Variants in KIAA0825 observed in about 807,000 individuals in gnomAD.
The protein encoded by KIAA0825 is KIAA0825.
In KIAA0825, 119 loss-of-function variants were observed where a neutral mutation model predicts 147.6. The ratio of observed to expected loss-of-function variants is 0.81; its 90% confidence interval spans 0.69 to 0.94. The LOEUF is 0.94. Ranked by LOEUF, KIAA0825 falls within the 40% of genes least tolerant of loss-of-function variation. KIAA0825 has a pLI of 0.00. For missense variants in KIAA0825, 1,381 were observed against 1,472.7 expected, an observed-to-expected ratio of 0.94 and a Z score of 1.02; for synonymous variants, 470 against 518.1, an observed-to-expected ratio of 0.91 and a Z score of 1.26.
At chr5:94,292,582 T>C (rs565663680) in intron 20 of KIAA0825, among the ~76,000 whole-genome samples, 1 of 152,182 alleles carries the variant, frequency 6.6e-6, no homozygotes, top group Non-Finnish European at 1.5e-5. Context: ...TTTTCTTTTT[T>C]TGTTGTGTCT....
At chr5:94,605,421 C>A (rs1279497713) in intron 1 of KIAA0825, among the ~76,000 whole-genome samples, 1 of 152,040 alleles carries the variant, frequency 6.6e-6, no homozygotes, top group African/African-American at 2.4e-5. Context: ...TCTATGAGGC[C>A]AGCATCATCC....
chr5:94,262,894 C>A (rs1353877467), intron 20 of KIAA0825, among the ~76,000 whole-genome samples: 1 of 152,012 alleles, frequency 6.6e-6, no homozygotes, highest in Non-Finnish European at 1.5e-5. Flanking sequence ...CTTCTTTGTG[C>A]CCCTCAAAGG....
At position 94,154,056 on chromosome 5, in the gene KIAA0825, A is replaced by G. The variant is rs1306049575; in HGVS notation, c.3779T>C (p.Ile1260Thr). The change falls in exon 21 of 21, where the codon ATT becomes ACT. Residue 1260 changes from isoleucine (I) to threonine (T), a missense_variant. Physicochemically the swap from Ile to Thr is moderately conservative, Grantham distance 89. Transcript: ENST00000682413. ...GGCAGAAGAGTTCTGTGGGGTGCAA[A>G]TTTGTTTTAAGTGCTCCAGTATTGC... ...EKAILEHLKQ[I>T]CTPQNSSASD... 1.3e-6 allele frequency: 2 copies of G among 1,551,590 alleles called. No homozygotes were observed. The highest frequency in any genetic ancestry group is 1.7e-6 in the Non-Finnish European group (2 of 1,146,940).
At chr5:94,351,884 T>C (rs1301588247) in intron 20 of KIAA0825, among the ~76,000 whole-genome samples, 1 of 152,158 alleles carries the variant, frequency 6.6e-6, no homozygotes, top group Non-Finnish European at 1.5e-5. Context: ...TGTAGGAGAA[T>C]GAAACTGGAT....
chr5:94,426,196 C>T (rs1754859644), intron 14 of KIAA0825, among the ~76,000 whole-genome samples: 1 of 151,598 alleles, frequency 6.6e-6, no homozygotes, highest in Non-Finnish European at 1.5e-5. Context: ...ATCAGCAATC[C>T]CACTACTAGA....
intron 20 of KIAA0825, among the ~76,000 whole-genome samples, chr5:94,287,266 C>T (rs1022569567): frequency 1.6e-4 from 25 of 152,106 alleles, no homozygotes; most frequent in African/African-American, 6.0e-4. Context: ...TTGTAGCTAT[C>T]AACATAATAC....
In KIAA0825 at chr5:94,535,308, G is replaced by A. The variant is rs368338359; in HGVS notation, c.131+1688C>T. On this transcript the variant is annotated intron_variant, in intron 3 of 20. Coordinates refer to ENST00000682413, the MANE Select transcript of KIAA0825 (RefSeq NM_001145678.3). The stretch of plus-strand genomic sequence containing the variant: ...GTGGATCACCTGAGGTCAGGAGTTC[G>A]AGACTAGCCTGGCCAATGTCGTGAA... 3.0e-4 allele frequency among the ~76,000 whole-genome samples: 46 copies of A among 151,844 alleles called. No homozygotes were observed. The East Asian group carries it at 7.4e-3, about 24-fold the overall frequency.
intron 1 of KIAA0825, among the ~76,000 whole-genome samples, chr5:94,595,622 T>C (rs1785165493): frequency 6.6e-6 from 1 of 152,248 alleles, no homozygotes; most frequent in Non-Finnish European, 1.5e-5. Flanking sequence ...TACGCAAATT[T>C]CGGCAGCTGC....
At chr5:94,364,769 G>A (rs559948038) in intron 20 of KIAA0825, among the ~76,000 whole-genome samples, 1 of 152,158 alleles carries the variant, frequency 6.6e-6, no homozygotes, top group South Asian at 2.1e-4. Context: ...AGATAGTGAG[G>A]GTAATGAAGT....
At chr5:94,401,356 C>A (rs1323455779) in intron 16 of KIAA0825, among the ~76,000 whole-genome samples, 2 of 151,908 alleles carry the variant, frequency 1.3e-5, no homozygotes, top group Non-Finnish European at 2.9e-5. Context: ...TCACTGTTTG[C>A]TCTTGATTGC....
At chr5:94,174,368 A>T (rs1768895258) in intron 20 of KIAA0825, among the ~76,000 whole-genome samples, 1 of 152,082 alleles carries the variant, frequency 6.6e-6, no homozygotes, top group Admixed American at 6.6e-5. Context: ...TGCAAATCCA[A>T]GTAAATATAT....
At chr5:94,461,232 C>A (rs145945347) in intron 12 of KIAA0825, among the ~76,000 whole-genome samples, 1 of 151,992 alleles carries the variant, frequency 6.6e-6, no homozygotes, top group East Asian at 1.9e-4. Context: ...TCATCTGTGA[C>A]AAAGCATGAA....
At chr5:94,473,709 C>A (rs1371087219) in intron 7 of KIAA0825, among the ~76,000 whole-genome samples, 190 bp from the exon 8 acceptor site, 2 of 152,118 alleles carry the variant, frequency 1.3e-5, no homozygotes, top group Non-Finnish European at 2.9e-5. Flanking sequence ...CATGTGCATT[C>A]TTTACACACA....
intron 18 of KIAA0825, among the ~76,000 whole-genome samples, chr5:94,390,627 T>C (rs1055662113): frequency 2.0e-5 from 3 of 152,356 alleles, no homozygotes; most frequent in Non-Finnish European, 2.9e-5. Flanking sequence ...ATCGACTGTT[T>C]GATCTATGAA....
intron 20 of KIAA0825, among the ~76,000 whole-genome samples, chr5:94,202,536 T>C (rs1051206698): frequency 1.3e-5 from 2 of 152,168 alleles, no homozygotes; most frequent in African/African-American, 4.8e-5. Flanking sequence ...TCTGCAATGC[T>C]TTATGGTTCT....
At chr5:94,276,477 G>A (rs1386040816) in intron 20 of KIAA0825, among the ~76,000 whole-genome samples, 1 of 152,034 alleles carries the variant, frequency 6.6e-6, no homozygotes, top group African/African-American at 2.4e-5. Context: ...GAAGCCAGAG[G>A]TGTAGCAGAA....
At chr5:94,565,419 G>A (rs560101531) in intron 2 of KIAA0825, among the ~76,000 whole-genome samples, 3 of 147,204 alleles carry the variant, frequency 2.0e-5, no homozygotes, top group South Asian at 4.3e-4. Flanking sequence ...TCAGCTCACC[G>A]CAACCTCTGC....
intron 20 of KIAA0825, among the ~76,000 whole-genome samples, chr5:94,217,654 G>T (rs1164542863): frequency 1.3e-5 from 2 of 152,178 alleles, no homozygotes; most frequent in Admixed American, 6.5e-5. Flanking sequence ...GGGCAGAGAA[G>T]ATAGAAGTAT....
At chr5:94,373,154 C>T (rs1188119987) in intron 20 of KIAA0825, among the ~76,000 whole-genome samples, 1 of 152,198 alleles carries the variant, frequency 6.6e-6, no homozygotes, top group African/African-American at 2.4e-5. Context: ...TTCCTGTCTT[C>T]TGAGCCCTCC....
Sources: gnomAD v4.1 joint callset for allele counts (sites outside exome capture counted in the v4.1 genomes callset) on GRCh38, gnomAD v4.1.1 for gene constraint, MANE v1.5 for transcripts, NCBI Gene and HGNC (gene_info 2026-07-23, HGNC 2026-07-21) for gene names.